TSHZ2: variants seen among roughly 807,000 people sequenced by gnomAD.
TSHZ2 encodes teashirt homolog 2.
In TSHZ2, 21 loss-of-function variants were observed where a neutral mutation model predicts 74.4. The ratio of observed to expected loss-of-function variants is 0.28; its 90% CI spans 0.20 to 0.41. The LOEUF (loss-of-function observed/expected upper bound fraction) is 0.41, where lower values mean the gene tolerates loss of function less well. Among genes scored for constraint, TSHZ2 ranks in the 10% least tolerant of loss-of-function variants. TSHZ2 has a pLI of 1.00. For synonymous variants in TSHZ2, 540 were observed against 515.3 expected (o/e 1.05, Z -0.65); for missense variants, 1,244 against 1,293.5 (o/e 0.96, Z 0.59).
chr20:53,124,919 T>C (rs1249058197), intron 1 of TSHZ2, among the ~76,000 whole-genome samples: 2 of 152,228 alleles, frequency 1.3e-5, no homozygotes, highest in East Asian at 3.8e-4. Flanking sequence ...TTGCAGACCA[T>C]GCAACAACCA....
At chr20:53,064,076 A>C (rs1321162118) in intron 1 of TSHZ2, among the ~76,000 whole-genome samples, 1 of 152,218 alleles carries the variant, frequency 6.6e-6, no homozygotes, top group Non-Finnish European at 1.5e-5. Flanking sequence ...ATTTAAAATA[A>C]AAATTTCAGA....
At chr20:53,471,327 C>T (rs1985792764) in intron 2 of TSHZ2, among the ~76,000 whole-genome samples, 2 of 152,148 alleles carry the variant, frequency 1.3e-5, no homozygotes, top group African/African-American at 4.8e-5. Flanking sequence ...ATTCATTCAA[C>T]AAGTATTTAT....
At chr20:53,134,241 T>C (rs1053722966) in intron 1 of TSHZ2, among the ~76,000 whole-genome samples, 1 of 152,218 alleles carries the variant, frequency 6.6e-6, no homozygotes, top group African/African-American at 2.4e-5. Context: ...ATGAAAACAC[T>C]GTGCTCCATC....
chr20:53,001,165 T>C (rs1982392308), intron 1 of TSHZ2, among the ~76,000 whole-genome samples: 1 of 151,274 alleles, frequency 6.6e-6, no homozygotes. Flanking sequence ...AGAGACCCGG[T>C]CTGGGTTTAC....
At chr20:53,171,587 G>A (rs1397693092) in intron 1 of TSHZ2, among the ~76,000 whole-genome samples, 2 of 151,888 alleles carry the variant, frequency 1.3e-5, no homozygotes, top group South Asian at 2.1e-4. Context: ...TTATAAAACA[G>A]GGTGTTTAAT....
chr20:52,997,055 C>T (rs573943273), intron 1 of TSHZ2, among the ~76,000 whole-genome samples: 2 of 152,114 alleles, frequency 1.3e-5, no homozygotes, highest in African/African-American at 2.4e-5. Flanking sequence ...TCATTGGGAG[C>T]GGCTGGGATC....
chr20:53,050,440 C>T (rs575106429), intron 1 of TSHZ2, among the ~76,000 whole-genome samples: 3 of 151,990 alleles, frequency 2.0e-5, no homozygotes, highest in South Asian at 4.2e-4. Context: ...TAATAATTTG[C>T]CCCATTTTCC....
At chr20:53,281,267 C>T (rs890691911) in intron 2 of TSHZ2, among the ~76,000 whole-genome samples, 6 of 152,148 alleles carry the variant, frequency 3.9e-5, no homozygotes, top group Non-Finnish European at 7.3e-5. Flanking sequence ...TAATGAGAAG[C>T]AGCCAGGCAT....
At chr20:53,451,298 C>T (rs957099887) in intron 2 of TSHZ2, among the ~76,000 whole-genome samples, 8 of 152,164 alleles carry the variant, frequency 5.3e-5, no homozygotes, top group African/African-American at 1.7e-4. Flanking sequence ...GAGAATAAAG[C>T]ACTCATATTT....
intron 1 of TSHZ2, among the ~76,000 whole-genome samples, chr20:53,072,969 C>T (rs1260765873): frequency 2.6e-5 from 4 of 151,610 alleles, no homozygotes; most frequent in Non-Finnish European, 5.9e-5. Flanking sequence ...ATCCATCTAT[C>T]CCTCCATCCA....
chr20:53,151,251 T>G (rs1987670466), intron 1 of TSHZ2, among the ~76,000 whole-genome samples: 1 of 152,224 alleles, frequency 6.6e-6, no homozygotes, highest in Non-Finnish European at 1.5e-5. Flanking sequence ...ATTATACTGG[T>G]GCCTATTCGC....
chr20:53,273,464 T>C (rs1041602532), intron 2 of TSHZ2: 3 of 152,292 alleles, frequency 2.0e-5, no homozygotes, highest in Non-Finnish European at 2.9e-5. Context: ...TAATTTTGTA[T>C]TTTTAGTGGA....
rs867539931 is a variant in TSHZ2, at chr20:53,040,070, C to T, written c.40+66737C>T. Among the ~76,000 whole-genome samples the T allele has an allele frequency of 4.6e-5, 7 of 152,250 alleles. No individual in the cohort carries two copies. The Middle Eastern group carries it at 0.01, about 222-fold the overall frequency. ...GCAGTGAGCCAAGATCGAGCCACTGCACTCCAGCCTGGAGACAGAGCAAGA... is the reference window on the plus strand; with the variant it reads ...GCAGTGAGCCAAGATCGAGCCACTGTACTCCAGCCTGGAGACAGAGCAAGA... On this transcript the variant is annotated intron_variant, in intron 1 of 2. Coordinates refer to ENST00000371497, the MANE Select transcript of TSHZ2 (RefSeq NM_173485.6).
intron 1 of TSHZ2, among the ~76,000 whole-genome samples, chr20:53,249,864 A>G (rs2123712223): frequency 6.6e-6 from 1 of 152,316 alleles, no homozygotes; most frequent in South Asian, 2.1e-4. Context: ...GGCTGTCATG[A>G]CCTAATCCCT....
intron 1 of TSHZ2, among the ~76,000 whole-genome samples, chr20:53,049,980 G>A (rs1481831230): frequency 2.0e-5 from 3 of 151,200 alleles, no homozygotes; most frequent in Non-Finnish European, 2.9e-5. Context: ...TACTCCGGAG[G>A]CTGAGGCAAG....
At chr20:53,370,283 G>A (rs762030610) in intron 2 of TSHZ2, among the ~76,000 whole-genome samples, 4 of 152,272 alleles carry the variant, frequency 2.6e-5, no homozygotes, top group East Asian at 1.9e-4. Context: ...TGGACTTCCC[G>A]GAGGAGGGGA....
chr20:53,489,035 T>A lies in TSHZ2; in HGVS notation c.*1900T>A. On this transcript the variant is annotated 3_prime_UTR_variant, in exon 3 of 3. Coordinates refer to ENST00000371497, the MANE Select transcript of TSHZ2 (RefSeq NM_173485.6). ...GAGGCATGGACAGAAAATATACCCC[T>A]CACATCATCGGATTGAGATGGCAGT... 2.2e-6 allele frequency: 1 copy of A among 456,152 alleles called. No homozygotes were observed. Among genetic ancestry groups the A allele is most frequent in the Non-Finnish European group, 4.4e-6 (1 of 226,952 alleles). 28.3% of individuals were successfully genotyped at this position (456,152 alleles called of 1,614,324 possible).
intron 2 of TSHZ2, among the ~76,000 whole-genome samples, chr20:53,416,118 G>A (rs1301343918): frequency 6.6e-6 from 1 of 152,176 alleles, no homozygotes; most frequent in Non-Finnish European, 1.5e-5. Context: ...GAGACGAGTG[G>A]AGGCAGAGAG....
chr20:53,231,741 G>A (rs553233356), intron 1 of TSHZ2, among the ~76,000 whole-genome samples: 7 of 152,038 alleles, frequency 4.6e-5, no homozygotes, highest in East Asian at 1.9e-4. Flanking sequence ...CAACCTCTAC[G>A]GGAACACACA....
Sources: allele counts gnomAD v4.1 joint callset (sites outside exome capture counted in the v4.1 genomes callset), GRCh38; gene constraint gnomAD v4.1.1; transcripts MANE v1.5; gene names NCBI Gene and HGNC (gene_info 2026-07-23, HGNC 2026-07-21).